Variants in CNTNAP2 observed in about 807,000 individuals in gnomAD.
The protein encoded by CNTNAP2 is contactin-associated protein-like 2.
In CNTNAP2, 98 loss-of-function variants were observed where a neutral mutation model predicts 155.2. That is an observed-to-expected ratio of 0.63 (90% confidence interval 0.54 to 0.75). The LOEUF is 0.75. CNTNAP2 is among the 30% of genes least tolerant of loss of function. The pLI is 0.00. For synonymous variants in CNTNAP2, 651 were observed against 631.2 expected, an observed-to-expected ratio of 1.03 and a Z score of -0.47; for missense variants, 1,727 against 1,688.1, an observed-to-expected ratio of 1.02 and a Z score of -0.40.
At chr7:147,161,043 A>T (rs914017773) in intron 8 of CNTNAP2, among the ~76,000 whole-genome samples, 1 of 152,160 alleles carries the variant, frequency 6.6e-6, no homozygotes, top group African/African-American at 2.4e-5. Context: ...AGAGACAGTG[A>T]ACAGGTAAGT....
chr7:147,568,750 C>T (rs772437602), intron 12 of CNTNAP2, among the ~76,000 whole-genome samples: 6 of 152,098 alleles, frequency 3.9e-5, no homozygotes, highest in Non-Finnish European at 4.4e-5. Flanking sequence ...TTACCAGCAT[C>T]CTCTCCCTAG....
intron 3 of CNTNAP2, 141 bp downstream of exon 3, chr7:146,840,045 G>A (rs1803691090): frequency 2.9e-6 from 3 of 1,025,724 alleles, no homozygotes; most frequent in African/African-American, 3.2e-5. Flanking sequence ...ATTGTTGATG[G>A]AAGAAAGTTT....
chr7:146,970,034 C>T (rs1171201456), intron 3 of CNTNAP2, among the ~76,000 whole-genome samples: 1 of 152,130 alleles, frequency 6.6e-6, no homozygotes, highest in East Asian at 1.9e-4. Context: ...TGGATCCCTT[C>T]CTTACACCTT....
intron 4 of CNTNAP2, chr7:147,081,617 G>GTA (rs1800131832): frequency 1.3e-5 from 2 of 151,396 alleles, no homozygotes; most frequent in Admixed American, 1.3e-4. Flanking sequence ...GTGTGTGTGT[G>GTA]TGTGTGTGTG....
At chr7:147,744,018 T>A (rs1796998200) in intron 13 of CNTNAP2, among the ~76,000 whole-genome samples, 1 of 152,222 alleles carries the variant, frequency 6.6e-6, no homozygotes, top group Admixed American at 6.5e-5. Flanking sequence ...TACTAATTAA[T>A]GCCTAACTCA....
rs141472008 is a variant in CNTNAP2 at position 146,710,628 on chromosome 7, T to G, written c.98-63643T>G. 2.2e-3 allele frequency among the ~76,000 whole-genome samples: 330 copies of G among 152,234 alleles called. 1 individual carries two copies. Among genetic ancestry groups the G allele is most frequent in the Middle Eastern group, 0.01 (3 of 294 alleles). ...TAGGAGCACTCTGAGGCATTATCCTTCCTCACCACTAATGCACTTCTGATT... is the reference window on the plus strand; with the variant it reads ...TAGGAGCACTCTGAGGCATTATCCTGCCTCACCACTAATGCACTTCTGATT... On this transcript the variant is annotated intron_variant, in intron 1 of 23. Transcript: ENST00000361727.
chr7:147,138,933 G>A (rs1462803437), intron 8 of CNTNAP2, among the ~76,000 whole-genome samples: 1 of 151,826 alleles, frequency 6.6e-6, no homozygotes, highest in Admixed American at 6.6e-5. Flanking sequence ...ACCAGACTGT[G>A]TTTCAAAAGC....
At chr7:146,929,149 G>T (rs926422923) in intron 3 of CNTNAP2, among the ~76,000 whole-genome samples, 6 of 152,336 alleles carry the variant, frequency 3.9e-5, no homozygotes, top group Admixed American at 2.0e-4. Context: ...GTGGGTCCCT[G>T]ACCCCTGACC....
At chr7:147,266,443 T>G (rs1337040086) in intron 8 of CNTNAP2, among the ~76,000 whole-genome samples, 1 of 152,224 alleles carries the variant, frequency 6.6e-6, no homozygotes, top group Non-Finnish European at 1.5e-5. Flanking sequence ...CTCAGGGATC[T>G]TGGCAGGTGG....
intron 15 of CNTNAP2, among the ~76,000 whole-genome samples, chr7:147,980,127 G>A (rs1402149150): frequency 6.6e-6 from 1 of 152,104 alleles, no homozygotes; most frequent in Non-Finnish European, 1.5e-5. Flanking sequence ...TTCAAACCAT[G>A]TTATGTGAAA....
chr7:147,618,493 A>G (rs1031922813), intron 12 of CNTNAP2, among the ~76,000 whole-genome samples: 1 of 152,106 alleles, frequency 6.6e-6, no homozygotes, highest in Non-Finnish European at 1.5e-5. Flanking sequence ...CAAAAATAAT[A>G]CTTAGCTGCA....
chr7:148,202,247 G>C (rs1562993172), intron 18 of CNTNAP2, among the ~76,000 whole-genome samples: 1 of 152,148 alleles, frequency 6.6e-6, no homozygotes, highest in Non-Finnish European at 1.5e-5. Flanking sequence ...AATCAGGCTT[G>C]GCACGCACAT....
intron 10 of CNTNAP2, among the ~76,000 whole-genome samples, chr7:147,407,929 C>T (rs924922036): frequency 1.3e-5 from 2 of 152,206 alleles, no homozygotes; most frequent in African/African-American, 4.8e-5. Context: ...GCACAGATAA[C>T]CATGTCCCAT....
chr7:148,284,928 C>A (rs916074157), intron 21 of CNTNAP2, among the ~76,000 whole-genome samples: 1 of 152,136 alleles, frequency 6.6e-6, no homozygotes, highest in Non-Finnish European at 1.5e-5. Flanking sequence ...AATGTTCCTC[C>A]GGCACTAACA....
At position 146,623,753 on chromosome 7, in the gene CNTNAP2, T is replaced by G. The variant is rs1434658270; in HGVS notation, c.98-150518T>G. Among the ~76,000 whole-genome samples the G allele has an allele frequency of 2.0e-5, 3 of 152,302 alleles. No individual in the cohort carries two copies. In the South Asian group the frequency reaches 6.2e-4, roughly 32 times the overall value. On this transcript the variant is annotated intron_variant, in intron 1 of 23. Coordinates refer to ENST00000361727, the MANE Select transcript of CNTNAP2 (RefSeq NM_014141.6). ...TACATAAGTTTTCAATTCAGTTGAG[T>G]AAATACCTAGCATTTTAATTGTGGG... is the stretch of plus-strand genomic sequence containing the variant.
chr7:147,279,214 A>C (rs1436034167), intron 8 of CNTNAP2, among the ~76,000 whole-genome samples: 1 of 151,664 alleles, frequency 6.6e-6, no homozygotes, highest in Non-Finnish European at 1.5e-5. Flanking sequence ...ATATTTTTAT[A>C]AATGTATTAT....
intron 1 of CNTNAP2, among the ~76,000 whole-genome samples, chr7:146,671,837 A>G (rs1800313721): frequency 6.9e-6 from 1 of 145,360 alleles, no homozygotes; most frequent in South Asian, 2.2e-4. Flanking sequence ...TTTTTTTTTG[A>G]TGGAGTCTAA....
chr7:147,692,692 TG>T (rs931911137), intron 13 of CNTNAP2, among the ~76,000 whole-genome samples: 4 of 152,124 alleles, frequency 2.6e-5, no homozygotes, highest in Admixed American at 1.3e-4. Flanking sequence ...TTAATTGAGT[TG>T]TTTTCTTATT....
chr7:146,834,602 G>A (rs1157407629), intron 2 of CNTNAP2, among the ~76,000 whole-genome samples: 1 of 152,146 alleles, frequency 6.6e-6, no homozygotes, highest in Non-Finnish European at 1.5e-5. Context: ...ACTAGCAAGA[G>A]TTCCATAACA....
Sources: allele counts gnomAD v4.1 joint callset (sites outside exome capture counted in the v4.1 genomes callset), GRCh38; gene constraint gnomAD v4.1.1; transcripts MANE v1.5; gene names NCBI Gene and HGNC (gene_info 2026-07-23, HGNC 2026-07-21).